MOBP: variants seen among roughly 807,000 people sequenced by gnomAD.
The protein encoded by MOBP is myelin associated oligodendrocyte basic protein, also known as myelin-associated oligodendrocyte basic protein.
MOBP carries 5 observed loss-of-function variants against 15.0 expected under a neutral mutation model. That is an observed-to-expected ratio of 0.33 (90% confidence interval 0.17 to 0.70). MOBP has a LOEUF of 0.70. MOBP is among the 30% of genes least tolerant of loss of function. MOBP has a pLI of 0.67. For synonymous variants in MOBP, 88 were observed against 99.0 expected (o/e 0.89, Z 0.66); for missense variants, 188 against 257.8 (o/e 0.73, Z 1.85).
chr3:39,480,928 A>G (rs2042619841), intron 2 of MOBP, among the ~76,000 whole-genome samples: 1 of 152,178 alleles, frequency 6.6e-6, no homozygotes, highest in Non-Finnish European at 1.5e-5. Context: ...TTCATTTGTT[A>G]TATATATCCC....
chr3:39,500,041 G>A (rs745600790), intron 2 of MOBP: 2 of 456,136 alleles, frequency 4.4e-6, no homozygotes, highest in South Asian at 1.5e-5. Context: ...ACTCACTGAT[G>A]TCTGTGGACA....
At chr3:39,518,346 G>A (rs1454479324), downstream of MOBP, among the ~76,000 whole-genome samples, 1 of 152,176 alleles carries the variant, frequency 6.6e-6, no homozygotes, top group African/African-American at 2.4e-5. Context: ...AGGGATGTTG[G>A]TCCTTTAGTT....
intron 1 of MOBP, among the ~76,000 whole-genome samples, chr3:39,470,980 C>G (rs568999973): frequency 2.0e-5 from 3 of 152,276 alleles, no homozygotes; most frequent in African/African-American, 4.8e-5. Context: ...AGCAAAGGGA[C>G]AAGTGAAGGC....
rs1209041416 is a variant in MOBP, at chr3:39,502,439, C to T, written c.207-96C>T. 1 of 1,523,572 alleles carries T rather than the reference C, an allele frequency of 6.6e-7. No individual in the cohort carries two copies. The highest frequency in any genetic ancestry group is 8.8e-7 in the Non-Finnish European group (1 of 1,140,694). The allele number at this position is 1,523,572 out of a possible 1,614,324, so 94.4% of individuals were successfully genotyped here. A position where few individuals can be genotyped will look rare whatever the true frequency, so the allele number is the denominator to read the frequency against. Reference sequence around the variant, plus strand: ...GGAGACTGGAAGGTGGGTGGGGGAGCAGGGCCTTCCTACCTGTTTCCAGCT... The same window carrying T: ...GGAGACTGGAAGGTGGGTGGGGGAGTAGGGCCTTCCTACCTGTTTCCAGCT... On this transcript the variant is annotated intron_variant, in intron 3 of 3. Transcript: ENST00000684792. The surrounding 1 kb of genome is among the most constrained non-coding windows in gnomAD (Gnocchi z 6.3).
chr3:39,488,421 T>C lies in MOBP; in HGVS notation c.-5+8298T>C, dbSNP rs574796417. ...TGATTGGCTGTCTACCTAATTTCTC[T>C]TGGAGACATCCTGGATGTCTGTGCT... is the stretch of plus-strand genomic sequence containing the variant. On this transcript the variant is annotated intron_variant, in intron 2 of 3. Transcript: ENST00000684792. Among the ~76,000 whole-genome samples the C allele has an allele frequency of 2.5e-4, 38 of 152,300 alleles. No homozygotes were observed. The South Asian group carries it at 6.9e-3, about 27-fold the overall frequency.
intron 2 of MOBP, among the ~76,000 whole-genome samples, chr3:39,487,518 C>CTTT (rs1216386382): frequency 1.4e-3 from 143 of 102,464 alleles, no homozygotes; most frequent in Non-Finnish European, 1.8e-3. Context: ...AATTTTCTTT[C>CTTT]TTTTTTTTTT....
chr3:39,514,685 T>G (rs1276100881), exon 5 of MOBP: 3 of 152,290 alleles, frequency 2.0e-5, no homozygotes, highest in Non-Finnish European at 4.4e-5. Flanking sequence ...TTTCCTGATG[T>G]GAGGGGTCTG....
intron 2 of MOBP, among the ~76,000 whole-genome samples, chr3:39,492,587 G>A (rs147486085): frequency 6.7e-4 from 102 of 152,266 alleles, no homozygotes; most frequent in African/African-American, 2.3e-3. Flanking sequence ...AAAAAAAGTT[G>A]TGCTTTTTTT....
chr3:39,507,483 G>C (rs775318638), downstream of MOBP, among the ~76,000 whole-genome samples: 1 of 152,186 alleles, frequency 6.6e-6, no homozygotes, highest in Non-Finnish European at 1.5e-5. Flanking sequence ...ATTGGCCTTT[G>C]ATGGGAACAA....
exon 5 of MOBP, chr3:39,524,599 A>G (rs903317243): frequency 5.3e-5 from 8 of 152,208 alleles, no homozygotes; most frequent in African/African-American, 1.9e-4. Flanking sequence ...ATGAGAATTT[A>G]TAAATTATTA....
chr3:39,509,020 A>C lies in MOBP; in HGVS notation c.*-4363A>C, dbSNP rs114333656. Among the ~76,000 whole-genome samples the C allele has an allele frequency of 4.5e-3, 684 of 152,118 alleles. 3 individuals carry two copies. The highest frequency in any genetic ancestry group is 0.016 in the African/African-American group (647 of 41,498). ...ATATGCATCCATATAGTCTCTCTCTATATATGTGTATGTTTATATGTATGT... is the reference window on the plus strand; with the variant it reads ...ATATGCATCCATATAGTCTCTCTCTCTATATGTGTATGTTTATATGTATGT... On this transcript the variant is annotated intron_variant, in intron 4 of 4. Transcript: ENST00000311042.
intron 4 of MOBP, among the ~76,000 whole-genome samples, chr3:39,509,524 A>G (rs969008314): frequency 2.0e-5 from 3 of 152,166 alleles, no homozygotes; most frequent in Admixed American, 6.6e-5. Flanking sequence ...ATTTGGTGAA[A>G]TCTCTGCTTA....
intron 2 of MOBP, among the ~76,000 whole-genome samples, chr3:39,489,429 C>G (rs929823996): frequency 1.3e-5 from 2 of 152,186 alleles, no homozygotes; most frequent in Non-Finnish European, 2.9e-5. Flanking sequence ...CTCAATAAAT[C>G]TTCAAATGGA....
At chr3:39,471,975 G>GT (rs2042476595) in intron 1 of MOBP, among the ~76,000 whole-genome samples, 1 of 152,188 alleles carries the variant, frequency 6.6e-6, no homozygotes, top group Non-Finnish European at 1.5e-5. Flanking sequence ...AGTCCAAAGG[G>GT]TTTTCTATAA....
chr3:39,520,637 T>A (rs1443966272), downstream of MOBP, among the ~76,000 whole-genome samples: 1 of 151,932 alleles, frequency 6.6e-6, no homozygotes, highest in African/African-American at 2.4e-5. Context: ...AAGAGATTGG[T>A]CTTCCCTTTT....
exon 5 of MOBP, chr3:39,514,309 C>T (rs1343261677): frequency 1.3e-5 from 2 of 152,416 alleles, no homozygotes; most frequent in Admixed American, 1.3e-4. Flanking sequence ...GGAATGTTAT[C>T]TGGCTTCAAC....
exon 5 of MOBP, chr3:39,514,840 G>C (rs1475894453): frequency 6.6e-6 from 1 of 152,072 alleles, no homozygotes. Context: ...AACTAACCCC[G>C]ATCCTCACTC....
chr3:39,485,932 G>A (rs2042700800), intron 2 of MOBP, among the ~76,000 whole-genome samples: 1 of 134,298 alleles, frequency 7.4e-6, no homozygotes, highest in Middle Eastern at 3.7e-3. Flanking sequence ...TTCCCTGTTT[G>A]TCTACTTTTT....
At chr3:39,508,655 T>C (rs1443062583) in intron 4 of MOBP, among the ~76,000 whole-genome samples, 1 of 151,906 alleles carries the variant, frequency 6.6e-6, no homozygotes, top group Non-Finnish European at 1.5e-5. Flanking sequence ...GTTCAAGTGA[T>C]TCTCCTGCCT....
Sources: allele counts gnomAD v4.1 joint callset (sites outside exome capture counted in the v4.1 genomes callset), GRCh38; gene constraint gnomAD v4.1.1; non-coding constraint Gnocchi (gnomAD v3.1); transcripts MANE v1.5; gene names NCBI Gene and HGNC (gene_info 2026-07-23, HGNC 2026-07-21).